The following PCSK2 variants were observed in gnomAD, a reference collection of about 807,000 sequenced individuals.
PCSK2 encodes the protein proprotein convertase subtilisin/kexin type 2.
A neutral mutation model predicts 69.7 loss-of-function variants in PCSK2; 14 were observed. The observed-to-expected ratio is 0.20, with a 90% CI of 0.13 to 0.31. The LOEUF (loss-of-function observed/expected upper bound fraction) is 0.31, where lower values mean the gene tolerates loss of function less well. Among genes scored for constraint, PCSK2 ranks in the 10% least tolerant of loss-of-function variants. The probability of loss-of-function intolerance (pLI) is 1.00; values close to 1 mark genes in which losing one functional copy is unlikely to be tolerated. For synonymous variants in PCSK2, 307 were observed against 320.7 expected, an observed-to-expected ratio of 0.96 and a Z score of 0.46; for missense variants, 544 against 842.5, an observed-to-expected ratio of 0.65 and a Z score of 4.39.
chr20:17,244,690 A>G (rs1376846483), intron 1 of PCSK2, among the ~76,000 whole-genome samples: 1 of 152,180 alleles, frequency 6.6e-6, no homozygotes, highest in Non-Finnish European at 1.5e-5. Flanking sequence ...ATTCTTCACA[A>G]TGGTTACTCA....
intron 2 of PCSK2, among the ~76,000 whole-genome samples, chr20:17,309,578 G>A (rs1393421512): frequency 6.6e-6 from 1 of 152,152 alleles, no homozygotes; most frequent in African/African-American, 2.4e-5. Flanking sequence ...AGCACTTTGG[G>A]AGGCCAAAGT....
intron 2 of PCSK2, among the ~76,000 whole-genome samples, chr20:17,347,006 T>C (rs932764922): frequency 1.3e-5 from 2 of 152,168 alleles, no homozygotes; most frequent in Admixed American, 6.5e-5. Context: ...AGATAGCAAT[T>C]TGTTAATACT....
intron 8 of PCSK2, among the ~76,000 whole-genome samples, chr20:17,449,548 G>GTATGTATATATAT (rs1371948893): frequency 7.6e-6 from 1 of 131,610 alleles, no homozygotes; most frequent in Non-Finnish European, 1.6e-5. Flanking sequence ...ATGTATATTT[G>GTATGTATATATAT]AGACTGAGTT....
At chr20:17,284,454 T>C (rs1464320307) in intron 2 of PCSK2, among the ~76,000 whole-genome samples, 2 of 152,224 alleles carry the variant, frequency 1.3e-5, no homozygotes, top group African/African-American at 4.8e-5. Context: ...ATTTTCTCTG[T>C]TGTTTCCTTG....
At chr20:17,354,196 G>A (rs16990251) in intron 2 of PCSK2, among the ~76,000 whole-genome samples, 1,915 of 152,228 alleles carry the variant, frequency 0.013, 14 homozygotes, top group East Asian at 0.034. Flanking sequence ...AGAAATAATA[G>A]TGATACCCAG....
chr20:17,282,691 G>A (rs1485244841), intron 2 of PCSK2, among the ~76,000 whole-genome samples: 3 of 150,908 alleles, frequency 2.0e-5, no homozygotes, highest in African/African-American at 4.9e-5. Flanking sequence ...AATAACTAAC[G>A]GACAAGCAAA....
intron 2 of PCSK2, among the ~76,000 whole-genome samples, chr20:17,285,259 A>T (rs554900769): frequency 6.6e-6 from 1 of 152,338 alleles, no homozygotes; most frequent in East Asian, 1.9e-4. Context: ...GTCGGGTGGG[A>T]ACAGGGAAAT....
intron 4 of PCSK2, 88 bp downstream of exon 4, chr20:17,360,728 A>T: frequency 1.1e-5 from 8 of 757,908 alleles, no homozygotes; most frequent in Non-Finnish European, 1.8e-5. Context: ...TGGAGATGCT[A>T]ACCAGAGATG....
At chr20:17,267,195 A>G (rs1415280928) in intron 2 of PCSK2, among the ~76,000 whole-genome samples, 4 of 152,148 alleles carry the variant, frequency 2.6e-5, no homozygotes, top group African/African-American at 9.7e-5. Context: ...CATGAGCTGG[A>G]CCATATTTTG....
At chr20:17,395,088 G>A (rs2031480239) in intron 5 of PCSK2, among the ~76,000 whole-genome samples, 1 of 152,098 alleles carries the variant, frequency 6.6e-6, no homozygotes, top group African/African-American at 2.4e-5. Flanking sequence ...TAAACACTGA[G>A]ATATTTACAA....
intron 4 of PCSK2, among the ~76,000 whole-genome samples, 158 bp from the exon 5 acceptor site, chr20:17,369,082 G>A (rs983930594): frequency 1.3e-5 from 2 of 152,150 alleles, no homozygotes; most frequent in African/African-American, 2.4e-5. Context: ...ACACAGAAGG[G>A]AGGTGCAAGA....
intron 1 of PCSK2, among the ~76,000 whole-genome samples, chr20:17,232,112 A>G (rs571422934): frequency 2.6e-5 from 4 of 152,302 alleles, no homozygotes; most frequent in African/African-American, 9.6e-5. Flanking sequence ...TAATCTAATC[A>G]CAGAAGTGAA....
At chr20:17,296,658 C>A (rs1376578176) in intron 2 of PCSK2, among the ~76,000 whole-genome samples, 3 of 152,162 alleles carry the variant, frequency 2.0e-5, no homozygotes, top group African/African-American at 7.2e-5. Flanking sequence ...CTCAAATCAC[C>A]TTAAAAATGA....
chr20:17,436,580 C>G, intron 7 of PCSK2, 128 bp from the exon 8 acceptor site: 2 of 714,654 alleles, frequency 2.8e-6, no homozygotes, highest in Middle Eastern at 2.9e-4. Flanking sequence ...CTGGACTGCA[C>G]AGTGGCCCCA....
At chr20:17,312,728 GTGGTGGAGAAGCGAGTGTGTGTGTCCCC>G (rs1989556743) in intron 2 of PCSK2, among the ~76,000 whole-genome samples, 1 of 152,116 alleles carries the variant, frequency 6.6e-6, no homozygotes, top group Non-Finnish European at 1.5e-5. Context: ...AGGTGCTGTA[GTGGTGGAGAAGCGAGTGTGTGTGTCCCC>G]AAGAATATTT....
At chr20:17,348,090 A>AGAAT (rs1555790048) in intron 2 of PCSK2, among the ~76,000 whole-genome samples, 4,089 of 142,796 alleles carry the variant, frequency 0.029, 121 homozygotes, top group Middle Eastern at 0.071. Context: ...AAAGAAAGAA[A>AGAAT]GAAAGAAAGA....
intron 7 of PCSK2, 95 bp from the exon 8 acceptor site, chr20:17,436,613 T>C (rs968419881): frequency 5.6e-6 from 6 of 1,076,854 alleles, no homozygotes; most frequent in African/African-American, 1.6e-5. Context: ...TCTCCAACCA[T>C]TCCAAGTACC....
rs1308505619 is a variant in PCSK2, at chr20:17,296,760, G to C, written c.282+36416G>C. The stretch of plus-strand genomic sequence containing the variant: ...AGAAAGTGTGAGAAGGATTTTTCTT[G>C]GTGAAGTCACTTCAACCCTAAAAGT... On this transcript the variant is annotated intron_variant, in intron 2 of 11. Transcript: ENST00000262545. 3.6e-4 allele frequency among the ~76,000 whole-genome samples: 55 copies of C among 151,852 alleles called. 1 individual carries two copies. Among genetic ancestry groups the C allele is most frequent in the Non-Finnish European group, 2.9e-5 (2 of 67,960 alleles).
chr20:17,271,822 C>T lies in PCSK2; in HGVS notation c.282+11478C>T, dbSNP rs375804360. 9.9e-5 allele frequency among the ~76,000 whole-genome samples: 15 copies of T among 152,156 alleles called. No individual in the cohort carries two copies. In the East Asian group the frequency reaches 1.7e-3, roughly 18 times the overall value. On this transcript the variant is annotated intron_variant, in intron 2 of 11. Coordinates refer to ENST00000262545, the MANE Select transcript of PCSK2 (RefSeq NM_002594.5). ...AATTAAAATTTCTTAACACACTGTC[C>T]AATCTAAAGAAAATACATCATCAGA...
Sources: allele counts gnomAD v4.1 joint callset (sites outside exome capture counted in the v4.1 genomes callset), GRCh38; gene constraint gnomAD v4.1.1; transcripts MANE v1.5; gene names NCBI Gene and HGNC (gene_info 2026-07-23, HGNC 2026-07-21).